XRRA1: variants seen among roughly 807,000 people sequenced by gnomAD.
XRRA1 encodes the protein X-ray radiation resistance associated 1.
Under a neutral mutation model 80.2 loss-of-function variants are expected in XRRA1, and 69 were observed. The observed-to-expected ratio is 0.86, with a 90% CI of 0.71 to 1.05. The LOEUF is 1.05. Among genes scored for constraint, XRRA1 ranks in the 50% least tolerant of loss-of-function variants. The probability of loss-of-function intolerance (pLI) is 0.00; values close to 1 mark genes in which losing one functional copy is unlikely to be tolerated. For missense variants in XRRA1, 967 were observed against 976.4 expected (o/e 0.99, Z 0.13); for synonymous variants, 348 against 389.9 (o/e 0.89, Z 1.27).
intron 4 of XRRA1, 143 bp from the exon 5 acceptor site, chr11:74,934,015 A>G: frequency 2.6e-6 from 2 of 757,924 alleles, no homozygotes; most frequent in Admixed American, 2.5e-5. Context: ...TCATTCATTC[A>G]TTATTCATCC....
intron 2 of XRRA1, among the ~76,000 whole-genome samples, chr11:74,941,785 G>C (rs1018328218): frequency 1.3e-5 from 2 of 152,086 alleles, no homozygotes; most frequent in African/African-American, 2.4e-5. Flanking sequence ...TAGCTGATGA[G>C]AGTTCATGTT....
intron 12 of XRRA1, among the ~76,000 whole-genome samples, chr11:74,855,454 A>G (rs1165314267): frequency 2.0e-5 from 3 of 152,238 alleles, no homozygotes; most frequent in African/African-American, 7.2e-5. Flanking sequence ...TGTGAAATTA[A>G]GCCCAGCTGA....
chr11:74,889,012 T>C (rs1020644393), intron 10 of XRRA1, among the ~76,000 whole-genome samples: 1 of 152,166 alleles, frequency 6.6e-6, no homozygotes, highest in Non-Finnish European at 1.5e-5. Context: ...TTCCCCAACC[T>C]AGCAAGGCAG....
At chr11:74,866,672 A>G (rs145237420) in intron 10 of XRRA1, among the ~76,000 whole-genome samples, 1 of 149,254 alleles carries the variant, frequency 6.7e-6, no homozygotes, top group South Asian at 2.1e-4. Flanking sequence ...AAAAAAAATC[A>G]AAGAAATCCT....
intron 1 of XRRA1, among the ~76,000 whole-genome samples, chr11:74,946,817 T>C (rs1249186494): frequency 6.6e-6 from 1 of 151,864 alleles, no homozygotes; most frequent in Non-Finnish European, 1.5e-5. Flanking sequence ...AGTGTCGCTA[T>C]CTCAGCTCAC....
rs2038814428 is a variant in XRRA1 at position 74,848,227 on chromosome 11, G to T, written c.1616C>A (p.Thr539Asn). ...VPLPPICSNS[T>N]VHSEETLSHL... The stretch of plus-strand genomic sequence containing the variant: ...GGACAGGGTCTCTTCACTATGCACA[G>T]TGGAGTTGGAGCAGATGGGAGGCAG... Residue 539 changes from threonine (T) to asparagine (N), a missense_variant, in exon 15 of 19, where the codon ACT becomes AAT. Physicochemically the swap from Thr to Asn is moderately conservative, Grantham distance 65. Coordinates refer to ENST00000684022, the MANE Select transcript of XRRA1 (RefSeq NM_001378157.1). 8.1e-6 allele frequency: 13 copies of T among 1,613,840 alleles called. No homozygotes were observed. Among genetic ancestry groups the T allele is most frequent in the Non-Finnish European group, 1.1e-5 (13 of 1,179,870 alleles).
chr11:74,866,389 G>C (rs763829199), intron 10 of XRRA1, among the ~76,000 whole-genome samples: 9 of 151,998 alleles, frequency 5.9e-5, no homozygotes, highest in Non-Finnish European at 1.0e-4. Context: ...ATGTAGCTGG[G>C]ACCACAGGCA....
chr11:74,945,270 T>C (rs1947265353), intron 1 of XRRA1, among the ~76,000 whole-genome samples, 185 bp from the exon 2 acceptor site: 1 of 151,956 alleles, frequency 6.6e-6, no homozygotes, highest in South Asian at 2.1e-4. Context: ...AGACAAGACA[T>C]AGATGGGAAG....
intron 10 of XRRA1, among the ~76,000 whole-genome samples, chr11:74,875,496 T>C (rs562320842): frequency 1.3e-5 from 2 of 152,294 alleles, no homozygotes; most frequent in South Asian, 4.1e-4. Context: ...TGGGAAAGGA[T>C]AAAACTTATC....
At chr11:74,890,675 AAG>A (rs1180393646) in intron 10 of XRRA1, among the ~76,000 whole-genome samples, 2 of 152,202 alleles carry the variant, frequency 1.3e-5, no homozygotes, top group Non-Finnish European at 2.9e-5. Flanking sequence ...TAAAGAAGAA[AAG>A]AGAGAAGAAT....
At chr11:74,936,331 A>T (rs957600446) in intron 4 of XRRA1, among the ~76,000 whole-genome samples, 5 of 152,360 alleles carry the variant, frequency 3.3e-5, no homozygotes, top group African/African-American at 1.2e-4. Context: ...TTTCAGCCAG[A>T]CACTAAAGTC....
At chr11:74,877,167 G>C (rs2046225208) in intron 10 of XRRA1, among the ~76,000 whole-genome samples, 1 of 152,134 alleles carries the variant, frequency 6.6e-6, no homozygotes, top group South Asian at 2.1e-4. Context: ...GAAAGATTTA[G>C]CCAAGGTTAA....
intron 8 of XRRA1, among the ~76,000 whole-genome samples, chr11:74,915,953 GT>G (rs924178591): frequency 5.9e-5 from 9 of 151,478 alleles, no homozygotes; most frequent in East Asian, 5.8e-4. Flanking sequence ...TGATTGACAG[GT>G]TTTTTTTTCT....
intron 12 of XRRA1, among the ~76,000 whole-genome samples, chr11:74,856,715 T>C (rs769696498): frequency 5.9e-5 from 9 of 152,126 alleles, no homozygotes; most frequent in African/African-American, 1.4e-4. Context: ...AGGAGAGAGA[T>C]TGATGACAGC....
intron 10 of XRRA1, among the ~76,000 whole-genome samples, chr11:74,892,123 C>T (rs1184176134): frequency 6.6e-6 from 1 of 152,106 alleles, no homozygotes; most frequent in Non-Finnish European, 1.5e-5. Context: ...AAGAACAAAG[C>T]TGGAGGCATC....
At chr11:74,936,085 T>C (rs1250199155) in intron 4 of XRRA1, among the ~76,000 whole-genome samples, 1 of 152,204 alleles carries the variant, frequency 6.6e-6, no homozygotes, top group African/African-American at 2.4e-5. Flanking sequence ...ACCCATCTCT[T>C]GGGAACCATA....
At chr11:74,905,235 G>A (rs867408749) in intron 10 of XRRA1, among the ~76,000 whole-genome samples, 6 of 152,092 alleles carry the variant, frequency 3.9e-5, no homozygotes, top group Middle Eastern at 3.4e-3. Context: ...ATAGGGTCTC[G>A]TTCTGTCATC....
At chr11:74,843,617 T>C in intron 18 of XRRA1, 164 bp from the exon 19 acceptor site, 2 of 955,244 alleles carry the variant, frequency 2.1e-6, no homozygotes, top group Non-Finnish European at 3.1e-6. Flanking sequence ...ACTGACTTCC[T>C]ACTGCCCCTA....
chr11:74,885,228 C>T (rs1024292485), intron 10 of XRRA1, among the ~76,000 whole-genome samples: 11 of 152,072 alleles, frequency 7.2e-5, no homozygotes, highest in Non-Finnish European at 8.8e-5. Flanking sequence ...CACGCAACTG[C>T]GCTCCAGCCT....
Sources: allele counts gnomAD v4.1 joint callset (sites outside exome capture counted in the v4.1 genomes callset), GRCh38; gene constraint gnomAD v4.1.1; transcripts MANE v1.5; gene names NCBI Gene and HGNC (gene_info 2026-07-23, HGNC 2026-07-21).